Variants in SDK1 observed in about 807,000 individuals in gnomAD.
The protein encoded by SDK1 is protein sidekick-1.
SDK1 carries 157 observed loss-of-function variants against 245.5 expected under a neutral mutation model. The observed-to-expected ratio is 0.64, with a 90% confidence interval of 0.56 to 0.73. The LOEUF (loss-of-function observed/expected upper bound fraction) is 0.73. Among genes scored for constraint, SDK1 ranks in the 30% least tolerant of loss-of-function variants. The probability of loss-of-function intolerance (pLI) is 0.00; values close to 1 mark genes in which losing one functional copy is unlikely to be tolerated. For missense variants in SDK1, 3,583 were observed against 3,002.3 expected, an observed-to-expected ratio of 1.19 and a Z score of -4.52; for synonymous variants, 1,647 against 1,278.5, an observed-to-expected ratio of 1.29 and a Z score of -6.15.
intron 14 of SDK1, among the ~76,000 whole-genome samples, chr7:4,003,646 G>C (rs191089345): frequency 6.6e-6 from 1 of 152,198 alleles, no homozygotes; most frequent in African/African-American, 2.4e-5. Flanking sequence ...ATCACATCAA[G>C]GGTGAACCCT....
At chr7:3,649,658 C>T (rs1438761465) in intron 4 of SDK1, among the ~76,000 whole-genome samples, 1 of 152,134 alleles carries the variant, frequency 6.6e-6, no homozygotes, top group African/African-American at 2.4e-5. Context: ...ACTTAATCTT[C>T]ACGGCAGCCC....
intron 1 of SDK1, among the ~76,000 whole-genome samples, chr7:3,581,630 G>C (rs1454161782): frequency 1.3e-5 from 2 of 152,154 alleles, no homozygotes; most frequent in Non-Finnish European, 2.9e-5. Context: ...ATTCAACCCA[G>C]GAATCCCATT....
At chr7:3,631,745 T>G (rs967325027) in intron 2 of SDK1, among the ~76,000 whole-genome samples, 3 of 152,170 alleles carry the variant, frequency 2.0e-5, no homozygotes, top group African/African-American at 7.2e-5. Context: ...GGTAAATGAT[T>G]TGGATTTAGA....
rs534009672 is a variant in SDK1 at position 4,172,941 on chromosome 7, G to C, written c.4801-1281G>C. On this transcript the variant is annotated intron_variant, in intron 32 of 44. Transcript: ENST00000404826. ...ATGACCTTGTCAAAACCAATTGCAC[G>C]TGCAAAGACCCTGTTTCCAAATAAG... Among the ~76,000 whole-genome samples, 5 of 152,238 alleles carry C rather than the reference G, an allele frequency of 3.3e-5. No homozygotes were observed. The East Asian group carries it at 7.7e-4, about 24-fold the overall frequency.
chr7:3,460,298 C>T (rs1278862945), intron 1 of SDK1, among the ~76,000 whole-genome samples: 1 of 152,088 alleles, frequency 6.6e-6, no homozygotes, highest in Admixed American at 6.6e-5. Flanking sequence ...CATAAGGATG[C>T]TCTGAGAAAG....
chr7:4,168,191 A>G (rs1364630167), intron 32 of SDK1, among the ~76,000 whole-genome samples: 2 of 152,252 alleles, frequency 1.3e-5, no homozygotes, highest in South Asian at 2.1e-4. Context: ...GCCTTCAAGG[A>G]AGCCACCCTC....
At chr7:4,196,114 C>T (rs1783561641) in intron 35 of SDK1, among the ~76,000 whole-genome samples, 1 of 152,200 alleles carries the variant, frequency 6.6e-6, no homozygotes, top group African/African-American at 2.4e-5. Flanking sequence ...GACCTTAGAG[C>T]AAGGCAGATT....
At chr7:4,179,100 G>A (rs1782434879) in intron 35 of SDK1, 1 of 153,458 alleles carries the variant, frequency 6.5e-6, no homozygotes, top group Non-Finnish European at 1.4e-5. Flanking sequence ...GGGGCTCACA[G>A]TGGGAAGCAA....
chr7:3,349,911 A>C (rs956683223), intron 1 of SDK1, among the ~76,000 whole-genome samples: 1 of 152,170 alleles, frequency 6.6e-6, no homozygotes, highest in Non-Finnish European at 1.5e-5. Flanking sequence ...CTAAGAGTAC[A>C]TGTATCTTAA....
intron 4 of SDK1, among the ~76,000 whole-genome samples, chr7:3,800,370 C>CTTACTTACTTATTTATTTATTTAT (rs1554263702): frequency 7.4e-5 from 11 of 148,886 alleles, no homozygotes; most frequent in African/African-American, 2.8e-4. Context: ...TACTTACTTA[C>CTTACTTACTTATTTATTTATTTAT]TTATTTATTT....
chr7:4,164,413 C>T (rs1781363593), intron 32 of SDK1, among the ~76,000 whole-genome samples: 1 of 152,060 alleles, frequency 6.6e-6, no homozygotes, highest in African/African-American at 2.4e-5. Context: ...ACCCCCAGAC[C>T]CGAGCTTCAG....
intron 1 of SDK1, among the ~76,000 whole-genome samples, chr7:3,523,850 T>C (rs372536364): frequency 2.0e-5 from 3 of 152,252 alleles, no homozygotes; most frequent in African/African-American, 4.8e-5. Context: ...AGCAGTCTTA[T>C]GGTTGTACAT....
At chr7:4,007,398 C>T (rs1371335490) in intron 14 of SDK1, among the ~76,000 whole-genome samples, 1 of 152,054 alleles carries the variant, frequency 6.6e-6, no homozygotes, top group East Asian at 1.9e-4. Flanking sequence ...GAAGAAAGAG[C>T]CTTACATTTG....
chr7:3,532,302 A>C (rs1372730698), intron 1 of SDK1, among the ~76,000 whole-genome samples: 1 of 152,142 alleles, frequency 6.6e-6, no homozygotes, highest in African/African-American at 2.4e-5. Context: ...GCTCAGAGTG[A>C]GGGTGTAGGG....
At chr7:3,845,086 C>G (rs915626156) in intron 5 of SDK1, among the ~76,000 whole-genome samples, 1 of 152,066 alleles carries the variant, frequency 6.6e-6, no homozygotes, top group Admixed American at 6.5e-5. Flanking sequence ...CTTCGGAGAG[C>G]GGAGGTCGCG....
At chr7:4,091,960 C>G (rs73671538) in intron 22 of SDK1, among the ~76,000 whole-genome samples, 5,746 of 152,156 alleles carry the variant, frequency 0.038, 342 homozygotes, top group African/African-American at 0.13. Context: ...TCATCTCTGA[C>G]TCATCCCCCA....
intron 1 of SDK1, among the ~76,000 whole-genome samples, chr7:3,350,442 G>T (rs1048596224): frequency 3.3e-5 from 5 of 152,156 alleles, no homozygotes; most frequent in Non-Finnish European, 7.4e-5. Context: ...CTGCTCCCCA[G>T]TGTAGTTGTA....
chr7:3,349,306 A>T (rs1441994531), intron 1 of SDK1, among the ~76,000 whole-genome samples: 1 of 152,084 alleles, frequency 6.6e-6, no homozygotes, highest in Non-Finnish European at 1.5e-5. Flanking sequence ...CACCCTTATT[A>T]GACTGTGGTT....
At chr7:4,156,273 T>A (rs936636510) in intron 30 of SDK1, among the ~76,000 whole-genome samples, 1 of 152,052 alleles carries the variant, frequency 6.6e-6, no homozygotes, top group African/African-American at 2.4e-5. Flanking sequence ...AGAAGACACA[T>A]GGTTATCACC....
Sources: allele counts gnomAD v4.1 joint callset (sites outside exome capture counted in the v4.1 genomes callset), GRCh38; gene constraint gnomAD v4.1.1; transcripts MANE v1.5; gene names NCBI Gene and HGNC (gene_info 2026-07-23, HGNC 2026-07-21).